Variants in STIM2 observed in about 807,000 individuals in gnomAD.
STIM2 encodes stromal interaction molecule 2.
Under a neutral mutation model 85.8 loss-of-function variants are expected in STIM2, and 31 were observed. The observed-to-expected ratio is 0.36, with a 90% confidence interval of 0.27 to 0.49. The LOEUF is 0.49. Ranked by LOEUF, STIM2 falls within the 20% of genes least tolerant of loss-of-function variation. STIM2 has a pLI of 0.98. For synonymous variants in STIM2, 356 were observed against 331.1 expected, an observed-to-expected ratio of 1.08 and a Z score of -0.82; for missense variants, 841 against 927.6, an observed-to-expected ratio of 0.91 and a Z score of 1.21.
chr4:26,997,328 A>G (rs1465418117), intron 4 of STIM2, among the ~76,000 whole-genome samples: 1 of 152,184 alleles, frequency 6.6e-6, no homozygotes, highest in Non-Finnish European at 1.5e-5. Context: ...AAAACCCTTT[A>G]CATTTGCTAA....
intron 7 of STIM2, among the ~76,000 whole-genome samples, chr4:27,003,970 A>T (rs1159641924): frequency 6.6e-6 from 1 of 152,168 alleles, no homozygotes; most frequent in Non-Finnish European, 1.5e-5. Context: ...TGAAGAACAA[A>T]ATGAGGATTA....
At chr4:26,905,366 T>G (rs1248461244) in intron 1 of STIM2, among the ~76,000 whole-genome samples, 1 of 151,890 alleles carries the variant, frequency 6.6e-6, no homozygotes, top group East Asian at 1.9e-4. Flanking sequence ...TGATGATGAG[T>G]GGCCATGGGT....
Position 27,024,595 on chromosome 4 carries a change from G to A in STIM2, c.*1599G>A, listed in dbSNP as rs1011679726. 2 of 152,084 alleles carry A rather than the reference G, an allele frequency of 1.3e-5. No homozygotes were observed. Among genetic ancestry groups the A allele is most frequent in the Non-Finnish European group, 2.9e-5 (2 of 68,000 alleles). The allele number at this position is 152,084 out of a possible 1,614,324, so 9.4% of individuals were successfully genotyped here. A position where few individuals can be genotyped will look rare whatever the true frequency, so the allele number is the denominator to read the frequency against. ...TGTGATTGTTTATTCTATTACTATTGTTAAAAACTTGAATGGTATTTATAT... is the reference window on the plus strand; with the variant it reads ...TGTGATTGTTTATTCTATTACTATTATTAAAAACTTGAATGGTATTTATAT... On this transcript the variant is annotated 3_prime_UTR_variant, in exon 12 of 12. Coordinates refer to ENST00000467087, the MANE Select transcript of STIM2 (RefSeq NM_020860.4).
At chr4:27,007,384 C>A in intron 7 of STIM2, 149 bp from the exon 8 acceptor site, 5 of 386,572 alleles carry the variant, frequency 1.3e-5, no homozygotes, top group Non-Finnish European at 1.3e-5. Flanking sequence ...TAGAAATCTA[C>A]TGTATTTAGA....
At chr4:26,969,161 A>G (rs1360289831) in intron 3 of STIM2, among the ~76,000 whole-genome samples, 1 of 152,220 alleles carries the variant, frequency 6.6e-6, no homozygotes, top group Non-Finnish European at 1.5e-5. Context: ...AGTGACTCAC[A>G]GGCATATCAC....
intron 3 of STIM2, among the ~76,000 whole-genome samples, chr4:26,994,087 T>C (rs1727864556): frequency 6.6e-6 from 1 of 152,086 alleles, no homozygotes; most frequent in Non-Finnish European, 1.5e-5. Flanking sequence ...CTGGTTGATG[T>C]CATTTAGTCT....
Position 26,861,319 on chromosome 4 carries a change from C to T in STIM2, c.101C>T (p.Ala34Val). Residue 34 changes from alanine (A) to valine (V), a missense_variant, in exon 1 of 12, where the codon GCC becomes GTC. By Grantham distance (64) the Ala-to-Val change is moderately conservative (BLOSUM62 0). This residue lies in a region of STIM2 where 140 missense variants were observed against 117.7 expected (regional missense o/e 1.19). Coordinates refer to ENST00000467087, the MANE Select transcript of STIM2 (RefSeq NM_020860.4). ...CGGGCGACTGGCTCTGCCGCAACTGCCGCCTCCTCTCCCGCCGCGGCGGCC... is the reference window on the plus strand; with the variant it reads ...CGGGCGACTGGCTCTGCCGCAACTGTCGCCTCCTCTCCCGCCGCGGCGGCC... 2.8e-6 allele frequency: 4 copies of T among 1,409,052 alleles called. No homozygotes were observed. Among genetic ancestry groups the T allele is most frequent in the South Asian group, 1.5e-5 (1 of 67,724 alleles). 87.3% of individuals were successfully genotyped at this position (1,409,052 alleles called of 1,614,324 possible). A position where few individuals can be genotyped will look rare whatever the true frequency, so the allele number is the denominator to read the frequency against.
chr4:27,000,602 C>G (rs1728117899), intron 5 of STIM2, among the ~76,000 whole-genome samples: 1 of 151,866 alleles, frequency 6.6e-6, no homozygotes, highest in Non-Finnish European at 1.5e-5. Context: ...TTTCTAAGCC[C>G]CAAAAATTAT....
At chr4:26,964,290 C>CA (rs1172021069) in intron 3 of STIM2, among the ~76,000 whole-genome samples, 1 of 151,398 alleles carries the variant, frequency 6.6e-6, no homozygotes, top group Admixed American at 6.6e-5. Flanking sequence ...GTCTTGATAG[C>CA]AAAAAAGGGT....
In STIM2 at chr4:27,022,630, A is replaced by G. The variant is rs1332011711; in HGVS notation, c.1875A>G (p.Ile625Met). The G allele has an allele frequency of 6.2e-7, 1 of 1,614,184 alleles. No homozygotes were observed. The highest frequency in any genetic ancestry group is 1.7e-5 in the Admixed American group (1 of 60,022). ...ACCAAACATTATCTCCGCGAAAGAT[A>G]TCAAGAGATGAGGTGTCCCTAGAGG... Residue 625 changes from isoleucine (I) to methionine (M), a missense_variant, in exon 12 of 12, where the codon ATA (isoleucine) becomes ATG (methionine). By Grantham distance (10) the Ile-to-Met change is conservative (BLOSUM62 1). Around this residue, in one of 3 missense-constraint regions of STIM2, gnomAD observed 293 missense variants for 284.5 expected, o/e 1.03. Coordinates refer to ENST00000467087, the MANE Select transcript of STIM2 (RefSeq NM_020860.4).
chr4:26,934,706 G>T (rs1406501580), intron 2 of STIM2, among the ~76,000 whole-genome samples: 1 of 152,120 alleles, frequency 6.6e-6, no homozygotes, highest in Non-Finnish European at 1.5e-5. Flanking sequence ...CTGAGGTCAG[G>T]AGTTTGAGAC....
chr4:27,008,484 C>T lies in STIM2; in HGVS notation c.1206C>T (p.His402=), dbSNP rs565991464. The T allele has an allele frequency of 6.2e-7, 1 of 1,604,740 alleles. No individual in the cohort carries two copies. Among genetic ancestry groups the T allele is most frequent in the African/African-American group, 1.3e-5 (1 of 74,768 alleles). The change falls in exon 9 of 12, where the codon CAC becomes CAT. Residue 402 remains histidine, a synonymous_variant. Transcript: ENST00000467087. ...TCTTTGGGACTCTGCACGTTGCACA[C>T]AGCTCCTCCCTAGATGAGGTAGACC...
At chr4:26,995,598 G>A (rs1727931263) in intron 4 of STIM2, 108 bp downstream of exon 4, 1 of 498,646 alleles carries the variant, frequency 2.0e-6, no homozygotes. Flanking sequence ...AGGGCACAAA[G>A]GAAATATAAA....
Position 27,008,995 on chromosome 4 carries a change from A to G in STIM2, c.1482A>G (p.Gln494=), listed in dbSNP as rs1001563253. 1.2e-6 allele frequency: 2 copies of G among 1,609,616 alleles called. No homozygotes were observed. Among genetic ancestry groups the G allele is most frequent in the East Asian group, 2.2e-5 (1 of 44,782 alleles). The change falls in exon 10 of 12, where the codon CAA becomes CAG. Residue 494 remains glutamine, a synonymous_variant. Transcript: ENST00000467087. The stretch of plus-strand genomic sequence containing the variant: ...AAGACACACCCCCAATAGTGTCACA[A>G]TTTCCCGGTAAGTGGCAATTTCAAC...
intron 1 of STIM2, among the ~76,000 whole-genome samples, chr4:26,894,888 T>C (rs772524976): frequency 3.9e-5 from 6 of 152,334 alleles, no homozygotes; most frequent in Middle Eastern, 3.4e-3. Flanking sequence ...GACATACTTA[T>C]AACATTCAGT....
intron 2 of STIM2, among the ~76,000 whole-genome samples, chr4:26,949,834 T>C (rs1379315163): frequency 2.0e-5 from 3 of 152,178 alleles, no homozygotes; most frequent in African/African-American, 7.2e-5. Context: ...CTGCTTGTGA[T>C]TTTTCTCCTG....
At chr4:26,989,057 C>G (rs753425631) in intron 3 of STIM2, among the ~76,000 whole-genome samples, 1 of 152,102 alleles carries the variant, frequency 6.6e-6, no homozygotes, top group Non-Finnish European at 1.5e-5. Flanking sequence ...GCCTCAGCCT[C>G]CGGAATAGCT....
chr4:26,965,567 T>C (rs556092626), intron 3 of STIM2, among the ~76,000 whole-genome samples: 1 of 152,226 alleles, frequency 6.6e-6, no homozygotes, highest in African/African-American at 2.4e-5. Context: ...CATTTTAGTG[T>C]CTCTATTCCC....
At chr4:26,915,283 G>A (rs533993985) in intron 1 of STIM2, among the ~76,000 whole-genome samples, 9 of 152,206 alleles carry the variant, frequency 5.9e-5, no homozygotes, top group African/African-American at 2.2e-4. Flanking sequence ...TACCCAGGGT[G>A]GAGTGTAGTG....
Sources: gnomAD v4.1 joint callset for allele counts (sites outside exome capture counted in the v4.1 genomes callset) on GRCh38, gnomAD v4.1.1 for gene constraint, gnomAD v4.1.1 regional missense constraint, MANE v1.5 for transcripts, NCBI Gene and HGNC (gene_info 2026-07-23, HGNC 2026-07-21) for gene names.